The following ATP6V1D variants were observed in gnomAD, a reference collection of about 807,000 sequenced individuals.
ATP6V1D encodes the protein ATPase H+ transporting V1 subunit D.
ATP6V1D carries 20 observed loss-of-function variants against 39.4 expected under a neutral mutation model. The observed-to-expected ratio is 0.51, with a 90% CI of 0.36 to 0.74. The LOEUF (loss-of-function observed/expected upper bound fraction) is 0.74, where lower values mean the gene tolerates loss of function less well. ATP6V1D is among the 30% of genes least tolerant of loss of function. The probability of loss-of-function intolerance (pLI) is 0.00; values close to 1 mark genes in which losing one functional copy is unlikely to be tolerated. For missense variants in ATP6V1D, 228 were observed against 291.6 expected (o/e 0.78, Z 1.59); for synonymous variants, 100 against 100.5 (o/e 0.99, Z 0.03).
intron 1 of ATP6V1D, among the ~76,000 whole-genome samples, chr14:67,356,995 A>C (rs2085689625): frequency 6.6e-6 from 1 of 152,198 alleles, no homozygotes; most frequent in South Asian, 2.1e-4. Flanking sequence ...TACCATGTTA[A>C]TTTTATTTTC....
chr14:67,348,883 C>A, intron 4 of ATP6V1D, 154 bp downstream of exon 4: 1 of 726,066 alleles, frequency 1.4e-6, no homozygotes. Context: ...TAATTAGAAA[C>A]CTGGTTGTTA....
chr14:67,352,313 T>TA (rs540261073), intron 2 of ATP6V1D, among the ~76,000 whole-genome samples: 12 of 143,424 alleles, frequency 8.4e-5, no homozygotes, highest in African/African-American at 1.8e-4. Flanking sequence ...CTACTAAAAA[T>TA]AAAAAAAATG....
intron 5 of ATP6V1D, among the ~76,000 whole-genome samples, chr14:67,346,180 T>C (rs1243181470): frequency 2.0e-5 from 3 of 152,226 alleles, no homozygotes; most frequent in African/African-American, 7.2e-5. Context: ...CAGAGTACGA[T>C]GACACTCTGT....
At chr14:67,358,985 G>C (rs1186828498) in intron 1 of ATP6V1D, among the ~76,000 whole-genome samples, 1 of 152,180 alleles carries the variant, frequency 6.6e-6, no homozygotes, top group East Asian at 1.9e-4. Context: ...GGGAGAGAAA[G>C]ACACATAAAC....
At chr14:67,340,539 A>G (rs369983291) in intron 7 of ATP6V1D, 21 bp from the exon 8 acceptor site, 15 of 1,593,096 alleles carry the variant, frequency 9.4e-6, no homozygotes, top group Non-Finnish European at 1.3e-5. Flanking sequence ...AAAAAAAATA[A>G]TATGTGTGAG....
intron 7 of ATP6V1D, 61 bp downstream of exon 7, chr14:67,343,311 T>C: frequency 7.6e-7 from 1 of 1,315,808 alleles, no homozygotes; most frequent in Non-Finnish European, 1.1e-6. Context: ...ATTCTAGCAG[T>C]TTCACGACAA....
intron 3 of ATP6V1D, 70 bp downstream of exon 3, chr14:67,350,541 C>T (rs1430990164): frequency 1.5e-6 from 2 of 1,347,480 alleles, no homozygotes; most frequent in East Asian, 4.7e-5. Context: ...TTAAAAAATG[C>T]TTTTTAAATG....
At chr14:67,352,850 CA>C (rs10718799) in intron 2 of ATP6V1D, 72 bp downstream of exon 2, 638,911 of 715,714 alleles carry the variant, frequency 0.89, 281,508 homozygotes, top group African/African-American at 0.96. Context: ...ATAACAACAA[CA>C]AAAAAAAAAA....
At chr14:67,359,235 C>T (rs902203615) in intron 1 of ATP6V1D, among the ~76,000 whole-genome samples, 30 of 152,216 alleles carry the variant, frequency 2.0e-4, no homozygotes, top group Non-Finnish European at 7.4e-5. Context: ...CAGTAAACTT[C>T]CCTTCTCAGA....
At chr14:67,352,157 T>C (rs1012488738) in intron 2 of ATP6V1D, among the ~76,000 whole-genome samples, 2 of 151,986 alleles carry the variant, frequency 1.3e-5, no homozygotes, top group Admixed American at 1.3e-4. Flanking sequence ...ACAGCACTCA[T>C]AGAAAATGCT....
intron 3 of ATP6V1D, 145 bp from the exon 4 acceptor site, chr14:67,349,249 G>T: frequency 1.3e-6 from 1 of 774,700 alleles, no homozygotes; most frequent in Non-Finnish European, 2.0e-6. Flanking sequence ...TTTCCAAAAA[G>T]GGAGAAAAGT....
chr14:67,349,124 C>G lies in ATP6V1D; in HGVS notation c.240-20G>C. ...GTAGTGCTGCAGAAAAAGAGAAAGACTTTATTTAGCAGACTCTTCAGAAAT... is the reference window on the plus strand; with the variant it reads ...GTAGTGCTGCAGAAAAAGAGAAAGAGTTTATTTAGCAGACTCTTCAGAAAT... On this transcript the variant is annotated intron_variant, in intron 3 of 8. Coordinates refer to ENST00000216442, the MANE Select transcript of ATP6V1D (RefSeq NM_015994.4). 6.2e-7 allele frequency: 1 copy of G among 1,610,188 alleles called. No individual in the cohort carries two copies. Among genetic ancestry groups the G allele is most frequent in the Non-Finnish European group, 8.5e-7 (1 of 1,176,796 alleles).
intron 1 of ATP6V1D, among the ~76,000 whole-genome samples, chr14:67,354,616 A>C (rs1481165189): frequency 6.6e-6 from 1 of 152,244 alleles, no homozygotes; most frequent in African/African-American, 2.4e-5. Context: ...GTCATTAAAA[A>C]AGACGAAGGT....
At chr14:67,350,260 T>C (rs888342604) in intron 3 of ATP6V1D, among the ~76,000 whole-genome samples, 9 of 151,912 alleles carry the variant, frequency 5.9e-5, no homozygotes, top group Admixed American at 3.9e-4. Context: ...CTTTCCCTAA[T>C]ATTCCAAAAA....
chr14:67,347,232 C>T (rs2085625006), intron 5 of ATP6V1D, among the ~76,000 whole-genome samples, 177 bp downstream of exon 5: 2 of 152,144 alleles, frequency 1.3e-5, no homozygotes, highest in South Asian at 2.1e-4. Flanking sequence ...AGCCATTGTG[C>T]CCGGCCTTAA....
In ATP6V1D at chr14:67,338,340, C is replaced by A; in HGVS notation, c.*281G>T. ...GGTATTTCCTAATATGCTTGGTAAG[C>A]AGATCACGTGTAACACAGATGTAAA... On this transcript the variant is annotated 3_prime_UTR_variant, in exon 9 of 9. Coordinates refer to ENST00000216442, the MANE Select transcript of ATP6V1D (RefSeq NM_015994.4). The A allele has an allele frequency of 3.7e-6, 1 of 272,080 alleles. No individual in the cohort carries two copies. Among genetic ancestry groups the A allele is most frequent in the Non-Finnish European group, 6.8e-6 (1 of 146,048 alleles). The allele number at this position is 272,080 out of a possible 1,614,324, so 16.9% of individuals were successfully genotyped here.
At chr14:67,351,772 C>T (rs955175707) in intron 2 of ATP6V1D, among the ~76,000 whole-genome samples, 2 of 152,024 alleles carry the variant, frequency 1.3e-5, no homozygotes, top group East Asian at 3.9e-4. Flanking sequence ...CCTCCCACCT[C>T]GGCCTCCCAA....
At chr14:67,345,975 G>A in intron 5 of ATP6V1D, 104 bp from the exon 6 acceptor site, 1 of 721,324 alleles carries the variant, frequency 1.4e-6, no homozygotes, top group Non-Finnish European at 2.3e-6. Flanking sequence ...ATGGAAAGAT[G>A]AATTCACTAA....
intron 7 of ATP6V1D, among the ~76,000 whole-genome samples, chr14:67,341,308 C>T (rs1306835076): frequency 6.6e-6 from 1 of 151,938 alleles, no homozygotes; most frequent in Non-Finnish European, 1.5e-5. Flanking sequence ...AGGTGAGGAG[C>T]GTCTCTGCCC....
Sources: gnomAD v4.1 joint callset for allele counts (sites outside exome capture counted in the v4.1 genomes callset) on GRCh38, gnomAD v4.1.1 for gene constraint, MANE v1.5 for transcripts, NCBI Gene and HGNC (gene_info 2026-07-23, HGNC 2026-07-21) for gene names.